The following ZBTB20 variants were observed in gnomAD, a reference collection of about 807,000 sequenced individuals.
ZBTB20 encodes the protein zinc finger and BTB domain-containing protein 20.
In ZBTB20, 9 loss-of-function variants were observed where a neutral mutation model predicts 56.9. The ratio of observed to expected loss-of-function variants is 0.16; its 90% CI spans 0.10 to 0.28. The LOEUF is 0.28. Ranked by LOEUF, ZBTB20 falls within the 10% of genes least tolerant of loss-of-function variation. The probability of loss-of-function intolerance (pLI) is 1.00; values close to 1 mark genes in which losing one functional copy is unlikely to be tolerated. For missense variants in ZBTB20, 655 were observed against 1,003.0 expected (o/e 0.65, Z 4.69); for synonymous variants, 417 against 420.7 (o/e 0.99, Z 0.11).
At chr3:114,484,818 TGC>T (rs1225508249) in intron 7 of ZBTB20, among the ~76,000 whole-genome samples, 12 of 148,808 alleles carry the variant, frequency 8.1e-5, no homozygotes, top group East Asian at 2.0e-4. Context: ...TGTGTGTGTG[TGC>T]GCGTGCATGT....
chr3:114,781,180 AT>A (rs2070070314), intron 5 of ZBTB20, among the ~76,000 whole-genome samples: 1 of 152,118 alleles, frequency 6.6e-6, no homozygotes, highest in South Asian at 2.1e-4. Context: ...CTGGGACTGA[AT>A]TTTGATTTTG....
chr3:114,682,867 C>A (rs1043565981), intron 6 of ZBTB20, among the ~76,000 whole-genome samples: 1 of 152,154 alleles, frequency 6.6e-6, no homozygotes, highest in African/African-American at 2.4e-5. Context: ...GGATATATAT[C>A]TCTGTCTCTT....
intron 6 of ZBTB20, among the ~76,000 whole-genome samples, chr3:114,532,851 T>A (rs554080992): frequency 6.6e-6 from 1 of 152,186 alleles, no homozygotes; most frequent in South Asian, 2.1e-4. Context: ...GCAAACAGGG[T>A]CTGGAGTGGA....
At chr3:114,794,692 G>T (rs2071216644) in intron 5 of ZBTB20, among the ~76,000 whole-genome samples, 1 of 151,786 alleles carries the variant, frequency 6.6e-6, no homozygotes, top group Non-Finnish European at 1.5e-5. Context: ...TTGCAAAAGG[G>T]GATAATTTCC....
intron 6 of ZBTB20, among the ~76,000 whole-genome samples, chr3:114,512,592 T>G (rs1449126457): frequency 6.6e-6 from 1 of 152,174 alleles, no homozygotes; most frequent in East Asian, 1.9e-4. Context: ...ATGAATGACC[T>G]GATCCTTTGT....
intron 6 of ZBTB20, among the ~76,000 whole-genome samples, chr3:114,552,898 C>A (rs947885458): frequency 1.3e-5 from 2 of 152,152 alleles, no homozygotes; most frequent in African/African-American, 4.8e-5. Context: ...TTTTTGCCTT[C>A]AGAATTATTG....
At chr3:114,935,126 T>C (rs2076490835) in intron 3 of ZBTB20, among the ~76,000 whole-genome samples, 1 of 152,222 alleles carries the variant, frequency 6.6e-6, no homozygotes, top group Non-Finnish European at 1.5e-5. Flanking sequence ...TCCTAGAATT[T>C]GTTCTTAATA....
At chr3:114,465,304 G>A (rs2092497240) in intron 7 of ZBTB20, among the ~76,000 whole-genome samples, 1 of 152,046 alleles carries the variant, frequency 6.6e-6, no homozygotes, top group Admixed American at 6.6e-5. Flanking sequence ...GAAATCATTA[G>A]CTTGTACTGA....
At chr3:114,762,608 T>C (rs1163201769) in intron 5 of ZBTB20, among the ~76,000 whole-genome samples, 3 of 152,310 alleles carry the variant, frequency 2.0e-5, no homozygotes, top group Non-Finnish European at 4.4e-5. Flanking sequence ...CCCTCAATTA[T>C]TGGTGTTTAT....
At chr3:114,777,910 C>T (rs1428906467) in intron 5 of ZBTB20, among the ~76,000 whole-genome samples, 1 of 151,814 alleles carries the variant, frequency 6.6e-6, no homozygotes, top group African/African-American at 2.4e-5. Context: ...GAATACTATG[C>T]AGCCATAAAA....
intron 10 of ZBTB20, among the ~76,000 whole-genome samples, chr3:114,379,359 G>T (rs752216430): frequency 6.6e-6 from 1 of 152,068 alleles, no homozygotes; most frequent in Non-Finnish European, 1.5e-5. Context: ...ATATTCTTTT[G>T]GATTCGACTC....
At chr3:114,700,619 T>C (rs1280024893) in intron 5 of ZBTB20, among the ~76,000 whole-genome samples, 2 of 152,152 alleles carry the variant, frequency 1.3e-5, no homozygotes, top group Non-Finnish European at 2.9e-5. Flanking sequence ...TTGAGACTGA[T>C]TACGGCACAG....
chr3:114,995,243 C>A (rs2078977609), intron 2 of ZBTB20, among the ~76,000 whole-genome samples: 1 of 151,766 alleles, frequency 6.6e-6, no homozygotes, highest in Non-Finnish European at 1.5e-5. Flanking sequence ...AAAATTCAAG[C>A]AAATATGGCA....
intron 3 of ZBTB20, among the ~76,000 whole-genome samples, chr3:114,909,796 C>T (rs1309592227): frequency 6.6e-6 from 1 of 151,932 alleles, no homozygotes; most frequent in Non-Finnish European, 1.5e-5. Context: ...TCATGCAATG[C>T]AGCTAAACAG....
At chr3:114,637,226 G>T (rs187269739) in intron 6 of ZBTB20, among the ~76,000 whole-genome samples, 1 of 152,172 alleles carries the variant, frequency 6.6e-6, no homozygotes, top group Admixed American at 6.5e-5. Flanking sequence ...CTATTATTAT[G>T]AAGTAGAGAT....
intron 6 of ZBTB20, among the ~76,000 whole-genome samples, chr3:114,690,664 C>T (rs2062647791): frequency 6.6e-6 from 1 of 152,110 alleles, no homozygotes; most frequent in South Asian, 2.1e-4. Flanking sequence ...TTCTTTCCCC[C>T]CAAACATGTT....
At chr3:114,609,553 A>G (rs1381216112) in intron 6 of ZBTB20, among the ~76,000 whole-genome samples, 1 of 152,238 alleles carries the variant, frequency 6.6e-6, no homozygotes, top group Admixed American at 6.5e-5. Context: ...CTTTTTCCTC[A>G]TAAGGCATAT....
rs186221625 is a variant in ZBTB20, at chr3:115,097,041, C to T, written c.-702-25627G>A. Reference sequence around the variant, plus strand: ...TTTTTGAAACCCTAATGAGTAAAATCCAATAAATCACTATATAGTCTTTAT... The same window carrying T: ...TTTTTGAAACCCTAATGAGTAAAATTCAATAAATCACTATATAGTCTTTAT... On this transcript the variant is annotated intron_variant, in intron 1 of 11. Transcript: ENST00000675478. Among the ~76,000 whole-genome samples the T allele has an allele frequency of 8.5e-5, 13 of 152,130 alleles. No individual in the cohort carries two copies. In the East Asian group the frequency reaches 9.7e-4, roughly 11 times the overall value.
At chr3:114,376,345 G>C (rs1330055899) in intron 10 of ZBTB20, among the ~76,000 whole-genome samples, 1 of 152,176 alleles carries the variant, frequency 6.6e-6, no homozygotes, top group East Asian at 1.9e-4. Context: ...GCACTCAAGG[G>C]GACAGTTTCT....
Sources: allele counts gnomAD v4.1 joint callset (sites outside exome capture counted in the v4.1 genomes callset), GRCh38; gene constraint gnomAD v4.1.1; transcripts MANE v1.5; gene names NCBI Gene and HGNC (gene_info 2026-07-23, HGNC 2026-07-21).